Variants in MAGI2 observed in about 807,000 individuals in gnomAD.
MAGI2 encodes the protein membrane associated guanylate kinase, WW and PDZ domain containing 2, also known as membrane-associated guanylate kinase, WW and PDZ domain-containing protein 2.
MAGI2 carries 35 observed loss-of-function variants against 133.3 expected under a neutral mutation model. The ratio of observed to expected loss-of-function variants is 0.26; its 90% CI spans 0.20 to 0.35. The LOEUF (loss-of-function observed/expected upper bound fraction) is 0.35. MAGI2 is among the 10% of genes least tolerant of loss of function. The probability of loss-of-function intolerance (pLI) is 1.00; values close to 1 mark genes in which losing one functional copy is unlikely to be tolerated. For missense variants in MAGI2, 1,636 were observed against 1,863.4 expected (o/e 0.88, Z 2.25); for synonymous variants, 729 against 710.6 (o/e 1.03, Z -0.41).
intron 3 of MAGI2, among the ~76,000 whole-genome samples, chr7:78,581,464 A>G (rs182259859): frequency 6.6e-6 from 1 of 152,332 alleles, no homozygotes; most frequent in Admixed American, 6.5e-5. Flanking sequence ...TATGGTTAGA[A>G]CTTTGACTGT....
intron 1 of MAGI2, among the ~76,000 whole-genome samples, chr7:79,110,306 G>C (rs1355096580): frequency 6.6e-6 from 1 of 152,278 alleles, no homozygotes; most frequent in Admixed American, 6.5e-5. Flanking sequence ...AGAAGAGGGT[G>C]GTGGGGCTGA....
rs1199839799 is a variant in MAGI2, at chr7:78,256,475, C to A, written c.1515G>T (p.Val505=). Residue 505 remains valine (V), a synonymous_variant, in exon 10 of 22, where the codon GTG becomes GTT. Transcript: ENST00000354212. ...SVPIGQSVNL[V]LCRGYPLPFD... ...AGGGCAAAGGGTAGCCACGACACAA[C>A]ACCAGGTTGACACTCTGACCAATAG... The A allele has an allele frequency of 6.8e-6, 11 of 1,613,916 alleles. No homozygotes were observed. The South Asian group carries it at 1.2e-4, about 18-fold the overall frequency.
intron 6 of MAGI2, among the ~76,000 whole-genome samples, chr7:78,410,021 T>C (rs1167248294): frequency 6.6e-6 from 1 of 152,006 alleles, no homozygotes; most frequent in Non-Finnish European, 1.5e-5. Flanking sequence ...CATCAGCTAA[T>C]GGAACATGGA....
intron 1 of MAGI2, among the ~76,000 whole-genome samples, chr7:79,246,344 G>A (rs117222172): frequency 0.024 from 3,668 of 152,072 alleles, 59 homozygotes; most frequent in Non-Finnish European, 0.038. Flanking sequence ...TGAGAGATGT[G>A]GTCTCTCAGA....
chr7:79,251,625 C>T (rs1833279010), intron 1 of MAGI2, among the ~76,000 whole-genome samples: 4 of 152,178 alleles, frequency 2.6e-5, no homozygotes, highest in South Asian at 2.1e-4. Context: ...AATCTTTGTA[C>T]GCTGTTGGTG....
chr7:78,851,080 A>G lies in MAGI2; in HGVS notation c.418+156010T>C, dbSNP rs150130595. On this transcript the variant is annotated intron_variant, in intron 2 of 21. Transcript: ENST00000354212. ...TTATCACCTCCTTATAGTTATGGCT[A>G]GGTATTCATTGCAAATAGCTTTAAA... Among the ~76,000 whole-genome samples the G allele has an allele frequency of 2.1e-4, 32 of 152,258 alleles. No individual in the cohort carries two copies. The East Asian group carries it at 6.0e-3, about 29-fold the overall frequency.
intron 1 of MAGI2, among the ~76,000 whole-genome samples, chr7:79,074,871 T>G (rs1277635563): frequency 6.6e-6 from 1 of 152,218 alleles, no homozygotes; most frequent in East Asian, 1.9e-4. Context: ...TCCAACTAAC[T>G]GTGGCTTAAT....
chr7:79,387,291 C>T (rs900399867), intron 1 of MAGI2, among the ~76,000 whole-genome samples: 11 of 151,880 alleles, frequency 7.2e-5, no homozygotes, highest in African/African-American at 2.4e-4. Context: ...TTCTACTTTC[C>T]TCTTGCTTTT....
intron 1 of MAGI2, among the ~76,000 whole-genome samples, chr7:79,050,198 C>T (rs1812548866): frequency 6.6e-6 from 1 of 152,134 alleles, no homozygotes; most frequent in African/African-American, 2.4e-5. Flanking sequence ...GGGCTCCATG[C>T]ACACGTGGGG....
At chr7:78,466,784 A>G (rs1341314878) in intron 6 of MAGI2, among the ~76,000 whole-genome samples, 2 of 152,146 alleles carry the variant, frequency 1.3e-5, no homozygotes, top group Admixed American at 6.5e-5. Flanking sequence ...AGACAAGATC[A>G]TGGCATAGGG....
At chr7:79,451,476 A>C (rs1026622895) in intron 1 of MAGI2, among the ~76,000 whole-genome samples, 2 of 152,106 alleles carry the variant, frequency 1.3e-5, no homozygotes, top group Middle Eastern at 3.2e-3. Context: ...TTTCCTTCCT[A>C]CCAAACTCAT....
At chr7:79,247,686 A>T (rs1320758883) in intron 1 of MAGI2, among the ~76,000 whole-genome samples, 1 of 152,178 alleles carries the variant, frequency 6.6e-6, no homozygotes, top group Non-Finnish European at 1.5e-5. Flanking sequence ...ATACAAATAG[A>T]AACCACAAAA....
chr7:78,223,731 C>A (rs901021888), intron 10 of MAGI2, among the ~76,000 whole-genome samples: 5 of 152,028 alleles, frequency 3.3e-5, no homozygotes, highest in Admixed American at 2.6e-4. Flanking sequence ...TTTTATACTG[C>A]CCCTTTTTTT....
At chr7:78,296,088 C>T (rs570006436) in intron 9 of MAGI2, among the ~76,000 whole-genome samples, 43 of 152,258 alleles carry the variant, frequency 2.8e-4, no homozygotes, top group Non-Finnish European at 5.1e-4. Context: ...CCTAACTGGT[C>T]GTCCTGCTTC....
intron 2 of MAGI2, among the ~76,000 whole-genome samples, chr7:78,657,361 A>C (rs1812416127): frequency 6.6e-6 from 1 of 152,176 alleles, no homozygotes. Context: ...TCCACACAAA[A>C]ACCTGCATGT....
chr7:78,835,545 A>G (rs1791546786), intron 2 of MAGI2, among the ~76,000 whole-genome samples: 1 of 152,210 alleles, frequency 6.6e-6, no homozygotes, highest in Non-Finnish European at 1.5e-5. Context: ...CCTATCTGTG[A>G]GAAGCAGATG....
chr7:79,112,731 G>A (rs935517997), intron 1 of MAGI2, among the ~76,000 whole-genome samples: 2 of 152,000 alleles, frequency 1.3e-5, no homozygotes, highest in Non-Finnish European at 2.9e-5. Context: ...CACAATTAAG[G>A]CCCTTAAAAA....
intron 3 of MAGI2, among the ~76,000 whole-genome samples, chr7:78,525,428 T>A (rs1459125221): frequency 1.3e-5 from 2 of 151,956 alleles, no homozygotes; most frequent in African/African-American, 4.8e-5. Context: ...TCCCTGAATA[T>A]AAGTGTATAC....
At chr7:79,234,436 C>A (rs535073591) in intron 1 of MAGI2, among the ~76,000 whole-genome samples, 2 of 152,016 alleles carry the variant, frequency 1.3e-5, no homozygotes, top group Admixed American at 6.5e-5. Flanking sequence ...GTACACCAAT[C>A]AGACGTAGAT....
Sources: gnomAD v4.1 joint callset for allele counts (sites outside exome capture counted in the v4.1 genomes callset) on GRCh38, gnomAD v4.1.1 for gene constraint, MANE v1.5 for transcripts, NCBI Gene and HGNC (gene_info 2026-07-23, HGNC 2026-07-21) for gene names.